Variants in FAM228B observed in about 807,000 individuals in gnomAD.
FAM228B encodes the protein protein FAM228B.
FAM228B carries 38 observed loss-of-function variants against 42.6 expected under a neutral mutation model. The observed-to-expected ratio is 0.89, with a 90% CI of 0.69 to 1.17. The LOEUF (loss-of-function observed/expected upper bound fraction) is 1.17. Among genes scored for constraint, FAM228B ranks in the 50% most tolerant of loss-of-function variants. FAM228B has a pLI of 0.00. For missense variants in FAM228B, 344 were observed against 367.3 expected (o/e 0.94, Z 0.52); for synonymous variants, 109 against 122.3 (o/e 0.89, Z 0.72).
In FAM228B at chr2:24,139,385, G is replaced by A; in HGVS notation, c.376G>A (p.Glu126Lys). Residue 126 changes from glutamate to lysine, a missense_variant, in exon 5 of 11, where the codon GAA (glutamate) becomes AAA (lysine). Transcript: ENST00000615575. Reference protein sequence around the residue: ...HVNKKGNAFIEHYDPKEYDPF... With the variant: ...HVNKKGNAFIKHYDPKEYDPF... ...CTTGCTATAGGGAAATGCATTTATA[G>A]AACATTATGATCCAAAAGAGTATGA... is the stretch of plus-strand genomic sequence containing the variant. 6.5e-7 allele frequency: 1 copy of A among 1,543,326 alleles called. No homozygotes were observed. Among genetic ancestry groups the A allele is most frequent in the Non-Finnish European group, 8.8e-7 (1 of 1,140,110 alleles).
chr2:24,134,974 C>T, intron 2 of FAM228B, 145 bp from the exon 3 acceptor site: 1 of 592,798 alleles, frequency 1.7e-6, no homozygotes, highest in South Asian at 2.1e-5. Flanking sequence ...CAAAAAAAAG[C>T]ACTCGATGAT....
intron 2 of FAM228B, among the ~76,000 whole-genome samples, chr2:24,128,738 A>T (rs1666374640): frequency 6.6e-6 from 1 of 151,946 alleles, no homozygotes; most frequent in African/African-American, 2.4e-5. Flanking sequence ...TTTCCCATAA[A>T]TATTTTTCAT....
At chr2:24,115,201 T>C (rs1388412783) in intron 3 of FAM228B, among the ~76,000 whole-genome samples, 1 of 152,298 alleles carries the variant, frequency 6.6e-6, no homozygotes, top group East Asian at 1.9e-4. Context: ...TCCCTTCATT[T>C]TTCAAGGTTG....
At chr2:24,099,607 C>G (rs902738340) in intron 3 of FAM228B, among the ~76,000 whole-genome samples, 12 of 151,924 alleles carry the variant, frequency 7.9e-5, no homozygotes, top group Admixed American at 3.3e-4. Context: ...CACTGCTCAA[C>G]GAAATAAAAG....
intron 2 of FAM228B, among the ~76,000 whole-genome samples, chr2:24,125,622 G>C (rs1269674924): frequency 6.6e-6 from 1 of 151,490 alleles, no homozygotes; most frequent in African/African-American, 2.4e-5. Context: ...AAACACTGGC[G>C]TGATCTCGGC....
At chr2:24,125,421 A>G (rs942083991) in intron 2 of FAM228B, among the ~76,000 whole-genome samples, 1 of 152,228 alleles carries the variant, frequency 6.6e-6, no homozygotes, top group African/African-American at 2.4e-5. Context: ...TGACATGTAT[A>G]CACACGAAAA....
At chr2:24,163,391 T>G (rs1417350642) in intron 8 of FAM228B, among the ~76,000 whole-genome samples, 1 of 152,186 alleles carries the variant, frequency 6.6e-6, no homozygotes, top group East Asian at 1.9e-4. Context: ...ATGGGCTCAT[T>G]GTCCTTGAGG....
chr2:24,102,431 A>G (rs148996714), intron 3 of FAM228B, among the ~76,000 whole-genome samples: 1,614 of 152,272 alleles, frequency 0.011, 37 homozygotes, highest in Admixed American at 0.046. Context: ...CTTTTACCCT[A>G]TCTCATGTTT....
chr2:24,132,354 G>T (rs558945924), intron 2 of FAM228B, among the ~76,000 whole-genome samples: 1 of 152,048 alleles, frequency 6.6e-6, no homozygotes, highest in African/African-American at 2.4e-5. Context: ...AATGAGTTAG[G>T]GAGGAGTCCC....
intron 3 of FAM228B, among the ~76,000 whole-genome samples, chr2:24,100,156 A>G (rs182316800): frequency 1.6e-4 from 24 of 152,368 alleles, no homozygotes; most frequent in Non-Finnish European, 3.2e-4. Context: ...ACCTAAAACC[A>G]TAAAAACCCT....
At chr2:24,152,732 C>G (rs1393702043) in intron 7 of FAM228B, among the ~76,000 whole-genome samples, 1 of 152,202 alleles carries the variant, frequency 6.6e-6, no homozygotes, top group Non-Finnish European at 1.5e-5. Context: ...GACCTGAAGA[C>G]GTCTAGTATA....
intron 7 of FAM228B, among the ~76,000 whole-genome samples, chr2:24,152,096 T>G (rs1667037716): frequency 6.6e-6 from 1 of 152,156 alleles, no homozygotes; most frequent in Non-Finnish European, 1.5e-5. Flanking sequence ...CTCAATCTCC[T>G]GACCTCAGGT....
At chr2:24,138,808 T>C (rs538179028) in intron 4 of FAM228B, among the ~76,000 whole-genome samples, 51 of 151,414 alleles carry the variant, frequency 3.4e-4, no homozygotes, top group Non-Finnish European at 6.3e-4. Context: ...TAGCCAGGCA[T>C]GGTGGTGGGT....
At chr2:24,115,330 A>G (rs1463220961) in intron 3 of FAM228B, 1 of 466,562 alleles carries the variant, frequency 2.1e-6, no homozygotes, top group Admixed American at 3.4e-5. Flanking sequence ...GAGCCTCCCA[A>G]TAGATATGCT....
At position 24,132,464 on chromosome 2, in the gene FAM228B, G is replaced by GTTTTTTTT. The variant is rs548264853; in HGVS notation, c.100-2636_100-2629dup. Among the ~76,000 whole-genome samples, 102 of 55,994 alleles carry GTTTTTTTT rather than the reference G, an allele frequency of 1.8e-3. 5 individuals are homozygous for GTTTTTTTT. Among genetic ancestry groups the GTTTTTTTT allele is most frequent in the Non-Finnish European group, 2.9e-3 (81 of 27,850 alleles). 36.7% of individuals were successfully genotyped at this position (55,994 alleles called of 152,430 possible). On this transcript the variant is annotated intron_variant, in intron 2 of 10. Transcript: ENST00000615575. The stretch of plus-strand genomic sequence containing the variant: ...CATGAATCCCTCTGGTCCTGGGATT[G>GTTTTTTTT]TTTTTTTTTTTTTTTTTTTTTTTTT...
At chr2:24,083,445 A>G (rs912702842) in intron 2 of FAM228B, among the ~76,000 whole-genome samples, 1 of 152,156 alleles carries the variant, frequency 6.6e-6, no homozygotes, top group African/African-American at 2.4e-5. Flanking sequence ...AAATAATAGT[A>G]GTGGGATTAG....
At chr2:24,167,774 T>A (rs1295419748) in intron 10 of FAM228B, 91 bp downstream of exon 10, 51 of 1,428,878 alleles carry the variant, frequency 3.6e-5, no homozygotes, top group Non-Finnish European at 4.6e-5. Flanking sequence ...GAGTCCACAG[T>A]GGGAGGGAGG....
At chr2:24,132,283 G>T (rs1221772583) in intron 2 of FAM228B, among the ~76,000 whole-genome samples, 1 of 152,100 alleles carries the variant, frequency 6.6e-6, no homozygotes, top group Non-Finnish European at 1.5e-5. Context: ...ATATTGGCCT[G>T]AAGTTTCCTT....
intron 3 of FAM228B, among the ~76,000 whole-genome samples, chr2:24,097,732 A>G (rs1279448177): frequency 6.6e-6 from 1 of 152,190 alleles, no homozygotes; most frequent in Non-Finnish European, 1.5e-5. Flanking sequence ...AACGAGACAG[A>G]AGGTTAACAA....
Sources: allele counts gnomAD v4.1 joint callset (sites outside exome capture counted in the v4.1 genomes callset), GRCh38; gene constraint gnomAD v4.1.1; transcripts MANE v1.5; gene names NCBI Gene and HGNC (gene_info 2026-07-23, HGNC 2026-07-21).